The following GPC5 variants were observed in gnomAD, a reference collection of about 807,000 sequenced individuals.
GPC5 encodes the protein glypican-5.
A neutral mutation model predicts 53.9 loss-of-function variants in GPC5; 47 were observed. That is an observed-to-expected ratio of 0.87 (90% CI 0.69 to 1.11). The LOEUF is 1.11. Ranked by LOEUF, GPC5 falls within the 50% of genes most tolerant of loss-of-function variation. The pLI, the probability that GPC5 is intolerant of heterozygous loss-of-function variation, is 0.00. For synonymous variants in GPC5, 286 were observed against 263.3 expected (o/e 1.09, Z -0.84); for missense variants, 748 against 713.1 (o/e 1.05, Z -0.56).
At chr13:92,488,645 C>A (rs1879648921) in intron 7 of GPC5, among the ~76,000 whole-genome samples, 1 of 152,128 alleles carries the variant, frequency 6.6e-6, no homozygotes. Flanking sequence ...TCATTCAAAG[C>A]CAGACAGGAA....
At chr13:91,895,963 C>T (rs1341330635) in intron 5 of GPC5, among the ~76,000 whole-genome samples, 1 of 152,204 alleles carries the variant, frequency 6.6e-6, no homozygotes, top group South Asian at 2.1e-4. Context: ...CTTGTGGCAG[C>T]ATCACTCCAA....
At chr13:91,625,513 T>C (rs1202381404) in intron 2 of GPC5, among the ~76,000 whole-genome samples, 1 of 151,980 alleles carries the variant, frequency 6.6e-6, no homozygotes, top group Non-Finnish European at 1.5e-5. Context: ...GCGGAAAAAG[T>C]GTTTGAGTAG....
chr13:91,906,087 T>C (rs917204008), intron 5 of GPC5, among the ~76,000 whole-genome samples: 1 of 152,030 alleles, frequency 6.6e-6, no homozygotes, highest in Non-Finnish European at 1.5e-5. Flanking sequence ...TATCACTCAA[T>C]GGAGAGTCTT....
At chr13:92,135,634 A>C (rs1359764721) in intron 6 of GPC5, among the ~76,000 whole-genome samples, 1 of 152,202 alleles carries the variant, frequency 6.6e-6, no homozygotes, top group Non-Finnish European at 1.5e-5. Context: ...CAAGAGAGTG[A>C]TAAGCCTTTT....
chr13:92,274,785 C>T (rs1183295799), intron 7 of GPC5, among the ~76,000 whole-genome samples: 2 of 152,068 alleles, frequency 1.3e-5, no homozygotes, highest in South Asian at 2.1e-4. Context: ...ATTAGCCAAA[C>T]GGAAGTTACA....
intron 7 of GPC5, among the ~76,000 whole-genome samples, chr13:92,559,009 G>A (rs1014113699): frequency 5.3e-5 from 8 of 151,842 alleles, no homozygotes; most frequent in Non-Finnish European, 1.0e-4. Context: ...ACAGTATTCC[G>A]GTCCATTGGA....
At chr13:91,604,058 C>G (rs1301027651) in intron 2 of GPC5, among the ~76,000 whole-genome samples, 1 of 148,750 alleles carries the variant, frequency 6.7e-6, no homozygotes, top group Non-Finnish European at 1.5e-5. Flanking sequence ...CCCACTAACT[C>G]GTCATCTAGC....
intron 4 of GPC5, among the ~76,000 whole-genome samples, chr13:91,752,066 G>A (rs1233678741): frequency 6.6e-6 from 1 of 152,144 alleles, no homozygotes; most frequent in Non-Finnish European, 1.5e-5. Context: ...CTTGCAGATG[G>A]CTGCCTTCAC....
At chr13:91,416,263 G>C (rs1368158998) in intron 1 of GPC5, among the ~76,000 whole-genome samples, 1 of 152,076 alleles carries the variant, frequency 6.6e-6, no homozygotes. Flanking sequence ...ACCTCAAAAA[G>C]AATAACTAGC....
intron 6 of GPC5, among the ~76,000 whole-genome samples, chr13:92,054,149 GGTGT>G (rs141324926): frequency 0.083 from 12,096 of 145,922 alleles, 711 homozygotes; most frequent in African/African-American, 0.16. Context: ...ACTTTGGAGG[GGTGT>G]GTGTGTGTGT....
chr13:91,430,844 C>T (rs1337925266), intron 1 of GPC5, among the ~76,000 whole-genome samples: 1 of 152,030 alleles, frequency 6.6e-6, no homozygotes. Flanking sequence ...TGGGGGTTCC[C>T]TATTATAGAG....
intron 7 of GPC5, among the ~76,000 whole-genome samples, chr13:92,729,392 A>C (rs1250796250): frequency 6.6e-6 from 1 of 151,428 alleles, no homozygotes; most frequent in Non-Finnish European, 1.5e-5. Context: ...GTGAGTATAA[A>C]ACACACAATG....
At chr13:91,968,673 G>T (rs2040212670) in intron 6 of GPC5, among the ~76,000 whole-genome samples, 1 of 151,992 alleles carries the variant, frequency 6.6e-6, no homozygotes, top group East Asian at 1.9e-4. Flanking sequence ...TGTTAGCCAG[G>T]CTTGTCTCGA....
intron 6 of GPC5, among the ~76,000 whole-genome samples, chr13:91,968,515 G>C (rs1422318095): frequency 6.6e-6 from 1 of 151,946 alleles, no homozygotes; most frequent in Non-Finnish European, 1.5e-5. Context: ...AGGCTGGAGA[G>C]CAATGGCGCA....
chr13:92,814,741 A>G (rs543561720), intron 7 of GPC5, among the ~76,000 whole-genome samples: 1 of 152,038 alleles, frequency 6.6e-6, no homozygotes, highest in Admixed American at 6.5e-5. Context: ...AGTACAGGCC[A>G]AGATGCTGAA....
chr13:92,282,254 A>G (rs1314041504), intron 7 of GPC5, among the ~76,000 whole-genome samples: 1 of 152,232 alleles, frequency 6.6e-6, no homozygotes, highest in African/African-American at 2.4e-5. Context: ...ATGTGAAAAG[A>G]CCAAATCTAC....
rs1374337466 is a variant in GPC5 at position 92,866,418 on chromosome 13, G to GTTAC, written c.1701_1704dup (p.Pro569ThrfsTer17). On this transcript the variant is annotated frameshift_variant, in exon 8 of 8. Coordinates refer to ENST00000377067, the MANE Select transcript of GPC5 (RefSeq NM_004466.6). LOFTEE classifies it high-confidence loss of function. ...CATTCACTCTGATAAGTGTGGTGAT[G>GTTAC]TTACTTCCCGGGATTTGGTAACTGA... 3 of 1,605,058 alleles carry GTTAC rather than the reference G, an allele frequency of 1.9e-6. No homozygotes were observed. The highest frequency in any genetic ancestry group is 1.7e-6 in the Non-Finnish European group (2 of 1,174,704).
At chr13:92,619,111 C>A (rs185686725) in intron 7 of GPC5, among the ~76,000 whole-genome samples, 1,611 of 150,122 alleles carry the variant, frequency 0.011, 18 homozygotes, top group Non-Finnish European at 0.015. Flanking sequence ...AAAGAAAATA[C>A]TTAAGGGGCT....
chr13:91,904,930 G>T (rs1040201286), intron 5 of GPC5, among the ~76,000 whole-genome samples: 2 of 152,054 alleles, frequency 1.3e-5, no homozygotes, highest in African/African-American at 4.8e-5. Flanking sequence ...TGAGGGATCT[G>T]CATTAGCAAT....
Sources: allele counts gnomAD v4.1 joint callset (sites outside exome capture counted in the v4.1 genomes callset), GRCh38; gene constraint gnomAD v4.1.1; transcripts MANE v1.5; gene names NCBI Gene and HGNC (gene_info 2026-07-23, HGNC 2026-07-21).